CALCR: variants seen among roughly 807,000 people sequenced by gnomAD.
The protein encoded by CALCR is calcitonin receptor.
A neutral mutation model predicts 59.5 loss-of-function variants in CALCR; 47 were observed. That is an observed-to-expected ratio of 0.79 (90% CI 0.63 to 1.01). The LOEUF is 1.01. CALCR is among the 50% of genes least tolerant of loss of function. The pLI is 0.00. For synonymous variants in CALCR, 213 were observed against 211.3 expected (o/e 1.01, Z -0.07); for missense variants, 566 against 597.1 (o/e 0.95, Z 0.54).
chr7:93,438,205 C>G lies in CALCR; in HGVS notation c.863+5G>C. The G allele has an allele frequency of 1.2e-6, 2 of 1,612,628 alleles. No homozygotes were observed. The highest frequency in any genetic ancestry group is 2.2e-5 in the South Asian group (2 of 91,044). On this transcript the variant is annotated splice_donor_5th_base_variant and intron_variant, in intron 10 of 13. Coordinates refer to ENST00000426151, the MANE Select transcript of CALCR (RefSeq NM_001742.4). ...TGTTAACTTAAACATCACCATAATACTTACTTGTCATTGAAGTACACGGCC... is the reference window on the plus strand; with the variant it reads ...TGTTAACTTAAACATCACCATAATAGTTACTTGTCATTGAAGTACACGGCC...
chr7:93,550,658 A>G (rs12704683), intron 2 of CALCR, among the ~76,000 whole-genome samples: 56,472 of 148,528 alleles, frequency 0.38, 11,915 homozygotes, highest in Non-Finnish European at 0.48. Flanking sequence ...AGAGTTTTGT[A>G]ACAATTGCTA....
At chr7:93,435,824 T>TAAAA in intron 12 of CALCR, 128 bp downstream of exon 12, 1 of 311,732 alleles carries the variant, frequency 3.2e-6, no homozygotes, top group Non-Finnish European at 5.8e-6. Context: ...TAAAATAAAA[T>TAAAA]AATAAATAAA....
chr7:93,552,912 T>C (rs1789499526), intron 2 of CALCR, among the ~76,000 whole-genome samples: 1 of 152,152 alleles, frequency 6.6e-6, no homozygotes, highest in Non-Finnish European at 1.5e-5. Context: ...GTGTAGCACA[T>C]ATCACAACTT....
At chr7:93,567,469 A>C (rs1789890249) in intron 2 of CALCR, among the ~76,000 whole-genome samples, 1 of 152,194 alleles carries the variant, frequency 6.6e-6, no homozygotes, top group Non-Finnish European at 1.5e-5. Flanking sequence ...CCATAAAACA[A>C]GTATAAAATG....
At chr7:93,460,562 A>ATATATATATATATAT (rs1305307735) in intron 8 of CALCR, among the ~76,000 whole-genome samples, 68 of 85,730 alleles carry the variant, frequency 7.9e-4, no homozygotes, top group African/African-American at 6.2e-3. Context: ...TCTAAAAAAA[A>ATATATATATATATAT]AAAAAAAAAA....
intron 2 of CALCR, among the ~76,000 whole-genome samples, chr7:93,514,465 A>G (rs1456363578): frequency 2.0e-5 from 3 of 151,966 alleles, no homozygotes; most frequent in Non-Finnish European, 4.4e-5. Context: ...TGTTGTTATG[A>G]ATATCATATA....
chr7:93,494,056 A>G (rs778212163), intron 2 of CALCR, among the ~76,000 whole-genome samples: 3 of 151,376 alleles, frequency 2.0e-5, no homozygotes, highest in Non-Finnish European at 3.0e-5. Context: ...TGAGAGAAGA[A>G]GGATATGTAG....
intron 2 of CALCR, among the ~76,000 whole-genome samples, chr7:93,510,398 G>T (rs373877801): frequency 6.6e-6 from 1 of 152,134 alleles, no homozygotes; most frequent in Non-Finnish European, 1.5e-5. Context: ...TGACAGCCCG[G>T]TGAAGACTCC....
intron 5 of CALCR, among the ~76,000 whole-genome samples, chr7:93,475,610 A>G (rs937543572): frequency 6.6e-6 from 1 of 151,804 alleles, no homozygotes; most frequent in Non-Finnish European, 1.5e-5. Flanking sequence ...ATGGGAAAAT[A>G]TATTGTATGC....
chr7:93,461,745 T>C (rs1275342340), intron 7 of CALCR, among the ~76,000 whole-genome samples: 1 of 152,196 alleles, frequency 6.6e-6, no homozygotes, highest in Non-Finnish European at 1.5e-5. Context: ...TATGTGTTGG[T>C]GTGAATGTTC....
At chr7:93,515,209 A>G (rs1326844128) in intron 2 of CALCR, among the ~76,000 whole-genome samples, 1 of 152,072 alleles carries the variant, frequency 6.6e-6, no homozygotes, top group African/African-American at 2.4e-5. Context: ...TATAAGGAAG[A>G]CTAAAAAAAT....
At chr7:93,468,866 C>A (rs1174975434) in intron 6 of CALCR, 60 bp from the exon 7 acceptor site, 2 of 894,896 alleles carry the variant, frequency 2.2e-6, no homozygotes, top group Non-Finnish European at 3.4e-6. Context: ...GAGAGAAAAT[C>A]ATTTCTATTT....
intron 2 of CALCR, among the ~76,000 whole-genome samples, chr7:93,516,549 T>A (rs1175680344): frequency 2.0e-5 from 3 of 151,788 alleles, no homozygotes; most frequent in Non-Finnish European, 4.4e-5. Context: ...TTCAGTATCA[T>A]GAAAAGATGT....
intron 8 of CALCR, among the ~76,000 whole-genome samples, chr7:93,450,625 G>A (rs1451326173): frequency 6.6e-6 from 1 of 151,920 alleles, no homozygotes; most frequent in Non-Finnish European, 1.5e-5. Context: ...ATAAAACCAA[G>A]GGAACTCTAC....
chr7:93,560,127 G>C (rs1390038171), intron 2 of CALCR, among the ~76,000 whole-genome samples: 1 of 151,972 alleles, frequency 6.6e-6, no homozygotes, highest in Non-Finnish European at 1.5e-5. Flanking sequence ...AAAAGAAACT[G>C]TTTTTCCTTC....
At chr7:93,560,586 T>G (rs921291046) in intron 2 of CALCR, among the ~76,000 whole-genome samples, 6 of 152,136 alleles carry the variant, frequency 3.9e-5, no homozygotes, top group African/African-American at 1.4e-4. Flanking sequence ...CTAATACAAC[T>G]TTTATTGGCT....
chr7:93,510,349 A>G (rs1179361179), intron 2 of CALCR, among the ~76,000 whole-genome samples: 1 of 152,128 alleles, frequency 6.6e-6, no homozygotes, highest in Non-Finnish European at 1.5e-5. Flanking sequence ...CACTGAGTTC[A>G]TCTTTCACTG....
chr7:93,546,071 T>C (rs935147010), intron 2 of CALCR, among the ~76,000 whole-genome samples: 2 of 150,018 alleles, frequency 1.3e-5, no homozygotes, highest in African/African-American at 5.1e-5. Flanking sequence ...TTCTAAGAAA[T>C]TTTTTTACCA....
rs559305957 is a variant in CALCR, at chr7:93,494,625, A to G, written c.-26-7618T>C. Among the ~76,000 whole-genome samples the G allele has an allele frequency of 1.1e-4, 17 of 151,576 alleles. No homozygotes were observed. In the South Asian group the frequency reaches 3.5e-3, roughly 31 times the overall value. On this transcript the variant is annotated intron_variant, in intron 2 of 13. Transcript: ENST00000426151. ...ATCTCTGCTCACCAAGCCTGCCTCTAGTCAGAAAAGTTGCACTGCAGTTGT... is the reference window on the plus strand; with the variant it reads ...ATCTCTGCTCACCAAGCCTGCCTCTGGTCAGAAAAGTTGCACTGCAGTTGT...
Sources: allele counts gnomAD v4.1 joint callset (sites outside exome capture counted in the v4.1 genomes callset), GRCh38; gene constraint gnomAD v4.1.1; transcripts MANE v1.5; gene names NCBI Gene and HGNC (gene_info 2026-07-23, HGNC 2026-07-21).